HMGCLL1: variants seen among roughly 807,000 people sequenced by gnomAD.
The protein encoded by HMGCLL1 is 3-hydroxy-3-methylglutaryl-CoA lyase like 1.
A neutral mutation model predicts 39.1 loss-of-function variants in HMGCLL1; 36 were observed. The observed-to-expected ratio is 0.92, with a 90% confidence interval of 0.71 to 1.22. The LOEUF (loss-of-function observed/expected upper bound fraction) is 1.22, where lower values mean the gene tolerates loss of function less well. HMGCLL1 is among the 50% of genes most tolerant of loss of function. The pLI, the probability that HMGCLL1 is intolerant of heterozygous loss-of-function variation, is 0.00. For synonymous variants in HMGCLL1, 149 were observed against 144.0 expected (o/e 1.03, Z -0.25); for missense variants, 451 against 416.5 (o/e 1.08, Z -0.72).
chr6:55,661,995 G>T, the HMGCLL1 span, among the ~76,000 whole-genome samples: 50,797 of 150,522 alleles, frequency 0.34, 8,744 homozygotes, highest in East Asian at 0.41. Context: ...TCTTGGCTGT[G>T]GTTGGTGTAT....
the HMGCLL1 span, among the ~76,000 whole-genome samples, chr6:55,667,423 G>A: frequency 1.7e-4 from 26 of 151,682 alleles, no homozygotes; most frequent in Non-Finnish European, 2.8e-4. Context: ...GGATTGGAAC[G>A]GATATTATCA....
chr6:55,597,163 A>G, the HMGCLL1 span, among the ~76,000 whole-genome samples: 1 of 152,154 alleles, frequency 6.6e-6, no homozygotes, highest in African/African-American at 2.4e-5. Context: ...CTTAGAACTT[A>G]ACGTATGGAA....
upstream of HMGCLL1, among the ~76,000 whole-genome samples, chr6:55,582,379 C>T (rs1443197447): frequency 1.3e-5 from 2 of 152,134 alleles, no homozygotes; most frequent in Non-Finnish European, 2.9e-5. Context: ...TTGCACTCAA[C>T]AATTCATACT....
At chr6:55,534,434 A>G (rs1166548817) in intron 3 of HMGCLL1, among the ~76,000 whole-genome samples, 3 of 152,204 alleles carry the variant, frequency 2.0e-5, no homozygotes, top group African/African-American at 7.2e-5. Flanking sequence ...TATAAAATTT[A>G]CAAGGCTTGG....
chr6:55,489,351 A>G (rs970581824), intron 7 of HMGCLL1, among the ~76,000 whole-genome samples: 11 of 152,006 alleles, frequency 7.2e-5, no homozygotes, highest in African/African-American at 2.7e-4. Context: ...CATTTACAGA[A>G]TGGGTAAGAG....
rs913511726 is a variant in HMGCLL1, at chr6:55,511,516, G to A, written c.542+2532C>T. On this transcript the variant is annotated intron_variant, in intron 5 of 8. Coordinates refer to ENST00000274901, the MANE Select transcript of HMGCLL1 (RefSeq NM_001042406.2). ...TTTTATAAAAATTTTAATAGTTTTA[G>A]TGTGCTTTTATAAAATGTGTACTGC... Among the ~76,000 whole-genome samples, 4 of 90,138 alleles carry A rather than the reference G, an allele frequency of 4.4e-5. No homozygotes were observed. In the South Asian group the frequency reaches 2.0e-3, roughly 44 times the overall value. The allele number at this position is 90,138 out of a possible 152,430, so 59.1% of individuals were successfully genotyped here.
At chr6:55,537,044 T>C (rs138303622) in intron 3 of HMGCLL1, among the ~76,000 whole-genome samples, 299 of 152,308 alleles carry the variant, frequency 2.0e-3, no homozygotes, top group Non-Finnish European at 2.9e-3. Context: ...GCTGTTGTAC[T>C]AAAATTATCG....
chr6:55,619,029 C>T, the HMGCLL1 span, among the ~76,000 whole-genome samples: 2 of 152,090 alleles, frequency 1.3e-5, no homozygotes, highest in Admixed American at 1.3e-4. Context: ...AGGAAAAACA[C>T]GGATTTCAGG....
At chr6:55,605,249 C>T in the HMGCLL1 span, among the ~76,000 whole-genome samples, 3 of 152,254 alleles carry the variant, frequency 2.0e-5, no homozygotes, top group Admixed American at 6.5e-5. Flanking sequence ...GTATTAGCTC[C>T]AGAGGCTATT....
chr6:55,622,338 C>A, the HMGCLL1 span, among the ~76,000 whole-genome samples: 1 of 151,992 alleles, frequency 6.6e-6, no homozygotes, highest in East Asian at 1.9e-4. Context: ...GGCATCCTCG[C>A]TGTGTTCCAG....
chr6:55,527,356 A>G (rs1474356529), intron 3 of HMGCLL1, among the ~76,000 whole-genome samples: 2 of 152,064 alleles, frequency 1.3e-5, no homozygotes, highest in Admixed American at 6.6e-5. Flanking sequence ...TGTAAGAGCC[A>G]GGAATCTATA....
intron 1 of HMGCLL1, chr6:55,563,712 G>T: frequency 2.7e-6 from 1 of 373,552 alleles, no homozygotes; most frequent in Non-Finnish European, 4.9e-6. Flanking sequence ...ACATATGGCT[G>T]CATCAAAACT....
chr6:55,613,987 A>G, the HMGCLL1 span, among the ~76,000 whole-genome samples: 1 of 152,176 alleles, frequency 6.6e-6, no homozygotes, highest in African/African-American at 2.4e-5. Flanking sequence ...TAATGAATAA[A>G]ACTAATATTA....
chr6:55,443,980 T>G (rs1209806354), intron 7 of HMGCLL1, among the ~76,000 whole-genome samples: 4 of 152,104 alleles, frequency 2.6e-5, no homozygotes, highest in African/African-American at 9.7e-5. Flanking sequence ...CTTTGAAGTG[T>G]GAATATAAAT....
At chr6:55,638,606 T>C in the HMGCLL1 span, among the ~76,000 whole-genome samples, 4 of 152,122 alleles carry the variant, frequency 2.6e-5, no homozygotes, top group Non-Finnish European at 5.9e-5. Flanking sequence ...GATTCTTTTA[T>C]TTTCAGACTT....
chr6:55,643,761 C>T, the HMGCLL1 span, among the ~76,000 whole-genome samples: 1 of 151,972 alleles, frequency 6.6e-6, no homozygotes, highest in African/African-American at 2.4e-5. Flanking sequence ...CCTCCAGTTC[C>T]ATCAACATGG....
At chr6:55,515,642 G>A (rs1184556746) in intron 4 of HMGCLL1, among the ~76,000 whole-genome samples, 1 of 152,074 alleles carries the variant, frequency 6.6e-6, no homozygotes, top group Admixed American at 6.6e-5. Flanking sequence ...TAACATGAGA[G>A]TGTCCTTTCA....
the HMGCLL1 span, among the ~76,000 whole-genome samples, chr6:55,589,782 T>A: frequency 1.3e-5 from 2 of 152,148 alleles, no homozygotes; most frequent in Admixed American, 1.3e-4. Context: ...AGCCAAATCA[T>A]GAGTGAACTC....
chr6:55,557,648 T>G (rs1024906537), intron 1 of HMGCLL1, among the ~76,000 whole-genome samples: 7 of 152,166 alleles, frequency 4.6e-5, no homozygotes, highest in Non-Finnish European at 1.5e-5. Flanking sequence ...GTGTCTCTAA[T>G]GTTGGGAATG....
Sources: gnomAD v4.1 joint callset for allele counts (sites outside exome capture counted in the v4.1 genomes callset) on GRCh38, gnomAD v4.1.1 for gene constraint, MANE v1.5 for transcripts, NCBI Gene and HGNC (gene_info 2026-07-23, HGNC 2026-07-21) for gene names.